The following NEDD4L variants were observed in gnomAD, a reference collection of about 807,000 sequenced individuals.
NEDD4L encodes E3 ubiquitin-protein ligase NEDD4-like.
Under a neutral mutation model 148.9 loss-of-function variants are expected in NEDD4L, and 54 were observed. That is an observed-to-expected ratio of 0.36 (90% CI 0.29 to 0.45). The LOEUF (loss-of-function observed/expected upper bound fraction) is 0.45. NEDD4L is among the 20% of genes least tolerant of loss of function. The pLI, the probability that NEDD4L is intolerant of heterozygous loss-of-function variation, is 1.00. For missense variants in NEDD4L, 856 were observed against 1,233.8 expected (o/e 0.69, Z 4.59); for synonymous variants, 433 against 440.7 (o/e 0.98, Z 0.22).
At chr18:58,383,111 G>C in intron 24 of NEDD4L, 135 bp from the exon 25 acceptor site, 1 of 614,760 alleles carries the variant, frequency 1.6e-6, no homozygotes, top group Non-Finnish European at 2.9e-6. Context: ...ACATTCTCTT[G>C]TGCACAGAGC....
chr18:58,148,591 C>A (rs1026419379), intron 1 of NEDD4L, among the ~76,000 whole-genome samples: 13 of 152,220 alleles, frequency 8.5e-5, no homozygotes, highest in Non-Finnish European at 1.8e-4. Context: ...CTTTGCCCTG[C>A]ATACATCCGA....
At chr18:58,376,929 C>T (rs1049258797) in intron 24 of NEDD4L, among the ~76,000 whole-genome samples, 7 of 152,230 alleles carry the variant, frequency 4.6e-5, no homozygotes, top group Middle Eastern at 3.2e-3. Flanking sequence ...GGAGCATACT[C>T]CCTCCCAGTC....
intron 1 of NEDD4L, among the ~76,000 whole-genome samples, chr18:58,152,885 C>G (rs1568293518): frequency 6.6e-6 from 1 of 152,076 alleles, no homozygotes; most frequent in Non-Finnish European, 1.5e-5. Flanking sequence ...CTGGTACCTG[C>G]AAGTACCTAG....
chr18:58,341,713 C>G lies in NEDD4L; in HGVS notation c.1293C>G (p.Asn431Lys). The part of the protein sequence containing the change: ...AEDGASGSAT[N>K]SNNHLIEPQI... ...ATGGTGCGTCCGGATCAGCCACAAA[C>G]AGTAACAACCATCTAATCGAGCCTC... is the stretch of plus-strand genomic sequence containing the variant. The change falls in exon 15 of 31, where the codon AAC becomes AAG. Residue 431 changes from asparagine (N) to lysine (K), a missense_variant. Around this residue, in one of 4 missense-constraint regions of NEDD4L, gnomAD observed 367 missense variants for 422.7 expected, o/e 0.87. Coordinates refer to ENST00000400345, the MANE Select transcript of NEDD4L (RefSeq NM_001144967.3). The G allele has an allele frequency of 6.2e-7, 1 of 1,613,862 alleles. No individual in the cohort carries two copies. The highest frequency in any genetic ancestry group is 8.5e-7 in the Non-Finnish European group (1 of 1,179,858).
At chr18:58,072,322 A>G (rs1369208169) in intron 1 of NEDD4L, among the ~76,000 whole-genome samples, 1 of 152,172 alleles carries the variant, frequency 6.6e-6, no homozygotes, top group African/African-American at 2.4e-5. Context: ...CCTCAGTGCA[A>G]TGCTAGCTTT....
intron 1 of NEDD4L, among the ~76,000 whole-genome samples, chr18:58,066,895 A>T (rs1464913778): frequency 6.6e-6 from 1 of 152,146 alleles, no homozygotes; most frequent in East Asian, 1.9e-4. Flanking sequence ...CACTCCCATC[A>T]TCTCATCTCC....
chr18:58,297,487 G>A (rs936889636), intron 5 of NEDD4L, among the ~76,000 whole-genome samples: 1 of 152,180 alleles, frequency 6.6e-6, no homozygotes, highest in Non-Finnish European at 1.5e-5. Context: ...AAGAGAAGAC[G>A]TGTGTGTAAA....
chr18:58,144,236 G>A (rs891516894), intron 1 of NEDD4L, among the ~76,000 whole-genome samples: 2 of 152,090 alleles, frequency 1.3e-5, no homozygotes, highest in Admixed American at 1.3e-4. Flanking sequence ...TCTGCACGCT[G>A]TACTGGATGA....
At chr18:58,107,622 G>A (rs1286239438) in intron 1 of NEDD4L, among the ~76,000 whole-genome samples, 1 of 152,120 alleles carries the variant, frequency 6.6e-6, no homozygotes, top group East Asian at 1.9e-4. Flanking sequence ...TGGAGGCTGA[G>A]GTGGGAGGAT....
At chr18:58,073,472 G>A (rs2082998345) in intron 1 of NEDD4L, among the ~76,000 whole-genome samples, 1 of 152,182 alleles carries the variant, frequency 6.6e-6, no homozygotes, top group African/African-American at 2.4e-5. Flanking sequence ...GTTTTTGACA[G>A]GGGTGTTAGG....
At chr18:58,293,380 A>G (rs758687747) in intron 5 of NEDD4L, among the ~76,000 whole-genome samples, 5 of 152,232 alleles carry the variant, frequency 3.3e-5, no homozygotes, top group Non-Finnish European at 7.3e-5. Context: ...TAATTTAAAG[A>G]ACAAATTATC....
intron 1 of NEDD4L, among the ~76,000 whole-genome samples, chr18:58,049,352 G>A (rs2081747699): frequency 6.6e-6 from 1 of 152,230 alleles, no homozygotes; most frequent in Admixed American, 6.5e-5. Flanking sequence ...AAAGTGGCCT[G>A]TGTGTATTTT....
intron 11 of NEDD4L, among the ~76,000 whole-genome samples, chr18:58,331,763 A>G (rs975745054): frequency 1.3e-5 from 2 of 152,230 alleles, no homozygotes; most frequent in Non-Finnish European, 1.5e-5. Context: ...AAAAATAGTC[A>G]TTACTATGAC....
chr18:58,092,722 G>A (rs952704661), intron 1 of NEDD4L, among the ~76,000 whole-genome samples: 1 of 151,318 alleles, frequency 6.6e-6, no homozygotes, highest in South Asian at 2.1e-4. Context: ...GAGCATGAAG[G>A]CAACAGCACT....
chr18:58,262,886 A>G (rs998005934), intron 5 of NEDD4L, among the ~76,000 whole-genome samples: 1 of 152,170 alleles, frequency 6.6e-6, no homozygotes. Flanking sequence ...CCTGGTCTCT[A>G]GGCATCACCA....
At chr18:58,045,967 T>C (rs1171229506) in intron 1 of NEDD4L, 1 of 152,182 alleles carries the variant, frequency 6.6e-6, no homozygotes, top group East Asian at 1.9e-4. Flanking sequence ...ATGGCTCCGC[T>C]TTCTGCGGCT....
At position 58,204,208 on chromosome 18, in the gene NEDD4L, A is replaced by G. The variant is rs1051516931; in HGVS notation, c.122+38347A>G. ...CCAGACGTGGTGGTGTGCACCTGTA[A>G]TCCCAGTTACTCGGGAGGCTGAAGC... is the stretch of plus-strand genomic sequence containing the variant. On this transcript the variant is annotated intron_variant, in intron 2 of 30. Transcript: ENST00000400345. Among the ~76,000 whole-genome samples, 5 of 152,100 alleles carry G rather than the reference A, an allele frequency of 3.3e-5. No individual in the cohort carries two copies. The East Asian group carries it at 5.8e-4, about 18-fold the overall frequency.
At chr18:58,300,855 G>A (rs1217585270) in intron 5 of NEDD4L, among the ~76,000 whole-genome samples, 1 of 152,210 alleles carries the variant, frequency 6.6e-6, no homozygotes, top group Non-Finnish European at 1.5e-5. Context: ...TTGGAAGTAT[G>A]TGCATATTGC....
At chr18:58,156,824 G>A (rs2035560843) in intron 1 of NEDD4L, among the ~76,000 whole-genome samples, 1 of 152,142 alleles carries the variant, frequency 6.6e-6, no homozygotes, top group South Asian at 2.1e-4. Flanking sequence ...CTTGACTTCT[G>A]CCACCTCCTC....
Sources: allele counts gnomAD v4.1 joint callset (sites outside exome capture counted in the v4.1 genomes callset), GRCh38; gene constraint gnomAD v4.1.1; regional missense constraint gnomAD v4.1.1; transcripts MANE v1.5; gene names NCBI Gene and HGNC (gene_info 2026-07-23, HGNC 2026-07-21).